Variants in PLD5 observed in about 807,000 individuals in gnomAD.
PLD5 encodes the protein inactive phospholipase D5.
PLD5 carries 36 observed loss-of-function variants against 61.1 expected under a neutral mutation model. That is an observed-to-expected ratio of 0.59 (90% CI 0.45 to 0.78). The LOEUF (loss-of-function observed/expected upper bound fraction) is 0.78. Ranked by LOEUF, PLD5 falls within the 30% of genes least tolerant of loss-of-function variation. The pLI is 0.00. For missense variants in PLD5, 515 were observed against 644.4 expected (o/e 0.80, Z 2.17); for synonymous variants, 243 against 242.8 (o/e 1.00, Z -0.01).
In PLD5 at chr1:242,201,021, G is replaced by A. The variant is rs78161730; in HGVS notation, c.735+18967C>T. Among the ~76,000 whole-genome samples, 263 of 152,342 alleles carry A rather than the reference G, an allele frequency of 1.7e-3. 1 individual carries two copies. Among genetic ancestry groups the A allele is most frequent in the Middle Eastern group, 6.8e-3 (2 of 294 alleles). ...CCTCAGGCAATTCAGAAGTGGATGAGTATTTTCAGGCAGTTCTTGCAGTCC... is the reference window on the plus strand; with the variant it reads ...CCTCAGGCAATTCAGAAGTGGATGAATATTTTCAGGCAGTTCTTGCAGTCC... On this transcript the variant is annotated intron_variant, in intron 5 of 9. Coordinates refer to ENST00000536534, the MANE Select transcript of PLD5 (RefSeq NM_001372062.1).
chr1:242,094,775 C>T (rs1442722823), intron 9 of PLD5, among the ~76,000 whole-genome samples: 2 of 152,048 alleles, frequency 1.3e-5, no homozygotes, highest in South Asian at 2.1e-4. Context: ...GTTTAAGCCT[C>T]ATAGCACCAC....
chr1:242,476,573 T>C (rs1290598531), intron 1 of PLD5, among the ~76,000 whole-genome samples: 1 of 152,128 alleles, frequency 6.6e-6, no homozygotes, highest in African/African-American at 2.4e-5. Context: ...AAGAGATCAT[T>C]ACATCCTCTT....
At chr1:242,357,343 G>A (rs1660807728) in intron 1 of PLD5, among the ~76,000 whole-genome samples, 1 of 150,010 alleles carries the variant, frequency 6.7e-6, no homozygotes, top group South Asian at 2.1e-4. Flanking sequence ...GTCTCTTGCT[G>A]CTCTCAGAAA....
At chr1:242,115,998 A>T (rs1335972485) in intron 6 of PLD5, among the ~76,000 whole-genome samples, 2 of 152,254 alleles carry the variant, frequency 1.3e-5, no homozygotes, top group Non-Finnish European at 2.9e-5. Context: ...GACTGAAAAT[A>T]GTGTTTCCCA....
intron 5 of PLD5, among the ~76,000 whole-genome samples, chr1:242,196,840 C>G (rs1163797028): frequency 6.6e-6 from 1 of 152,194 alleles, no homozygotes; most frequent in Non-Finnish European, 1.5e-5. Flanking sequence ...CTCTTTTCCA[C>G]CCACATCTGT....
chr1:242,409,011 G>A (rs566110884), intron 1 of PLD5, among the ~76,000 whole-genome samples: 3 of 151,866 alleles, frequency 2.0e-5, no homozygotes, highest in African/African-American at 4.8e-5. Flanking sequence ...AGGTGGCAGT[G>A]AGCCAAGATC....
intron 1 of PLD5, among the ~76,000 whole-genome samples, chr1:242,362,242 C>T (rs1661109148): frequency 6.6e-6 from 1 of 151,966 alleles, no homozygotes; most frequent in Non-Finnish European, 1.5e-5. Context: ...GAAAAATATG[C>T]AAACTGGGAC....
chr1:242,165,066 G>T (rs1279868255), intron 5 of PLD5, among the ~76,000 whole-genome samples: 1 of 152,114 alleles, frequency 6.6e-6, no homozygotes, highest in East Asian at 1.9e-4. Context: ...GTGGGGGTGA[G>T]AGGTCTCTCT....
At chr1:242,193,085 TTATTC>T (rs1430046315) in intron 5 of PLD5, among the ~76,000 whole-genome samples, 1 of 152,182 alleles carries the variant, frequency 6.6e-6, no homozygotes, top group Admixed American at 6.5e-5. Flanking sequence ...AACACCCTGT[TTATTC>T]TATTCTATTT....
intron 3 of PLD5, among the ~76,000 whole-genome samples, chr1:242,275,213 T>A (rs1674346160): frequency 1.3e-5 from 2 of 152,036 alleles, no homozygotes; most frequent in African/African-American, 4.8e-5. Context: ...ATACTAGCAT[T>A]GATTTTTTTT....
rs149186971 is a variant in PLD5, at chr1:242,488,988, T to C, written c.189+35100A>G. 4.0e-3 allele frequency among the ~76,000 whole-genome samples: 609 copies of C among 152,202 alleles called. 3 individuals carry two copies. The highest frequency in any genetic ancestry group is 0.011 in the African/African-American group (463 of 41,546). ...TAATAGTAGCAACAAGAATGTGAAA[T>C]CAAGCAAATATTTGAGGAAGTAAAT... On this transcript the variant is annotated intron_variant, in intron 1 of 9. Coordinates refer to ENST00000536534, the MANE Select transcript of PLD5 (RefSeq NM_001372062.1).
chr1:242,265,420 T>TGG lies in PLD5; in HGVS notation c.522_523dup (p.Gln175ProfsTer3). On this transcript the variant is annotated frameshift_variant, in exon 4 of 10. Transcript: ENST00000536534. LOFTEE classifies it high-confidence loss of function. ...GATTTCAATATTTTGCGAAGTCAGC[T>TGG]GGAGCAACTTTTCAAAAAGACGTTG... The TGG allele has an allele frequency of 6.2e-7, 1 of 1,611,472 alleles. No individual in the cohort carries two copies. The highest frequency in any genetic ancestry group is 1.1e-5 in the South Asian group (1 of 90,458).
intron 2 of PLD5, among the ~76,000 whole-genome samples, chr1:242,306,740 A>AACAC (rs34083497): frequency 7.1e-6 from 1 of 141,036 alleles, no homozygotes; most frequent in African/African-American, 2.6e-5. Flanking sequence ...AATTTATTAA[A>AACAC]ACACACACAC....
intron 2 of PLD5, among the ~76,000 whole-genome samples, chr1:242,320,222 G>C (rs1231561288): frequency 6.6e-6 from 1 of 152,204 alleles, no homozygotes; most frequent in Non-Finnish European, 1.5e-5. Context: ...TATATTGCAG[G>C]TGATTTTTTA....
At chr1:242,349,025 G>A (rs995397505) in intron 1 of PLD5, among the ~76,000 whole-genome samples, 2 of 152,206 alleles carry the variant, frequency 1.3e-5, no homozygotes, top group African/African-American at 2.4e-5. Context: ...CTGCACTCCA[G>A]CCTGGGTGAC....
At chr1:242,404,875 A>ATATT (rs35036720) in intron 1 of PLD5, among the ~76,000 whole-genome samples, 1 of 75,408 alleles carries the variant, frequency 1.3e-5, no homozygotes, top group East Asian at 3.8e-4. Context: ...TTCCCTGCTA[A>ATATT]TTTTTTTTTT....
chr1:242,123,967 C>T (rs560943539), intron 6 of PLD5, among the ~76,000 whole-genome samples: 2 of 152,162 alleles, frequency 1.3e-5, no homozygotes, highest in Non-Finnish European at 2.9e-5. Flanking sequence ...CCTGCTTGCC[C>T]CAACCAGGTA....
chr1:242,205,374 C>G (rs1669257083), intron 5 of PLD5, among the ~76,000 whole-genome samples: 1 of 152,100 alleles, frequency 6.6e-6, no homozygotes, highest in African/African-American at 2.4e-5. Flanking sequence ...ATAACACTTG[C>G]CAAATTGTCC....
At chr1:242,510,793 C>T (rs971050048) in intron 1 of PLD5, among the ~76,000 whole-genome samples, 6 of 151,464 alleles carry the variant, frequency 4.0e-5, no homozygotes, top group African/African-American at 1.2e-4. Context: ...TGCAGTGAGC[C>T]GAGATCGCGC....
Sources: allele counts gnomAD v4.1 joint callset (sites outside exome capture counted in the v4.1 genomes callset), GRCh38; gene constraint gnomAD v4.1.1; transcripts MANE v1.5; gene names NCBI Gene and HGNC (gene_info 2026-07-23, HGNC 2026-07-21).